CA10: variants seen among roughly 807,000 people sequenced by gnomAD.
CA10 encodes carbonic anhydrase-related protein 10.
In CA10, 14 loss-of-function variants were observed where a neutral mutation model predicts 44.2. That is an observed-to-expected ratio of 0.32 (90% CI 0.21 to 0.50). The LOEUF (loss-of-function observed/expected upper bound fraction) is 0.50. CA10 is among the 20% of genes least tolerant of loss of function. The pLI is 0.99. For synonymous variants in CA10, 159 were observed against 141.6 expected (o/e 1.12, Z -0.87); for missense variants, 350 against 409.7 (o/e 0.85, Z 1.26).
chr17:51,920,405 G>A (rs1345504387), intron 3 of CA10, among the ~76,000 whole-genome samples: 1 of 151,812 alleles, frequency 6.6e-6, no homozygotes, highest in Non-Finnish European at 1.5e-5. Context: ...GGAGAGAAAA[G>A]AAAAGGCTAA....
At chr17:51,686,093 G>C (rs1915001767) in intron 4 of CA10, among the ~76,000 whole-genome samples, 1 of 151,498 alleles carries the variant, frequency 6.6e-6, no homozygotes, top group African/African-American at 2.4e-5. Flanking sequence ...GTCGGGGGGG[G>C]CGTCTGTTTC....
intron 3 of CA10, among the ~76,000 whole-genome samples, chr17:51,758,243 A>ATAT (rs888917466): frequency 3.3e-5 from 5 of 152,246 alleles, no homozygotes; most frequent in African/African-American, 1.2e-4. Flanking sequence ...ATATTAAATC[A>ATAT]TATTATTATT....
At chr17:51,903,944 T>A (rs1275670768) in intron 3 of CA10, among the ~76,000 whole-genome samples, 2 of 152,002 alleles carry the variant, frequency 1.3e-5, no homozygotes, top group Non-Finnish European at 2.9e-5. Flanking sequence ...ATATCTTCTA[T>A]ACAAAAATGG....
intron 1 of CA10, among the ~76,000 whole-genome samples, chr17:52,075,920 A>G (rs1448910269): frequency 6.6e-6 from 1 of 152,132 alleles, no homozygotes; most frequent in Non-Finnish European, 1.5e-5. Context: ...TTACCCCATT[A>G]TATGTTCAAA....
At chr17:52,078,550 G>A (rs1267203422) in intron 1 of CA10, among the ~76,000 whole-genome samples, 1 of 152,204 alleles carries the variant, frequency 6.6e-6, no homozygotes, top group Non-Finnish European at 1.5e-5. Flanking sequence ...GTTTCCCTCA[G>A]AAATTGCATT....
At chr17:52,135,203 G>A (rs941820358) in intron 1 of CA10, among the ~76,000 whole-genome samples, 1 of 152,170 alleles carries the variant, frequency 6.6e-6, no homozygotes, top group African/African-American at 2.4e-5. Context: ...CGCTAACCAT[G>A]TTAGGCTTTC....
chr17:52,139,811 G>A (rs2069795597), intron 1 of CA10, among the ~76,000 whole-genome samples: 1 of 152,040 alleles, frequency 6.6e-6, no homozygotes, highest in Admixed American at 6.5e-5. Context: ...TCCCTCATAG[G>A]GTTAGAGATA....
intron 5 of CA10, among the ~76,000 whole-genome samples, chr17:51,652,466 T>C (rs543374491): frequency 2.6e-5 from 4 of 152,324 alleles, no homozygotes; most frequent in African/African-American, 9.6e-5. Flanking sequence ...TGGCCAAATG[T>C]CCCTTCCTCT....
At chr17:52,056,707 A>T (rs1249201891) in intron 2 of CA10, among the ~76,000 whole-genome samples, 1 of 152,014 alleles carries the variant, frequency 6.6e-6, no homozygotes, top group Non-Finnish European at 1.5e-5. Flanking sequence ...ACCTGAGGTT[A>T]AAGCATCCTG....
chr17:51,784,960 A>G (rs1197255117), intron 3 of CA10, among the ~76,000 whole-genome samples: 1 of 152,134 alleles, frequency 6.6e-6, no homozygotes, highest in East Asian at 1.9e-4. Flanking sequence ...TGATCCTTCT[A>G]TTCTCTATCT....
chr17:52,099,877 T>C (rs1197412211), intron 1 of CA10, among the ~76,000 whole-genome samples: 1 of 152,222 alleles, frequency 6.6e-6, no homozygotes, highest in Non-Finnish European at 1.5e-5. Context: ...GTGATGCTAC[T>C]GTAAGGTCAT....
chr17:52,130,902 T>C (rs1425083062), intron 1 of CA10, among the ~76,000 whole-genome samples: 1 of 152,102 alleles, frequency 6.6e-6, no homozygotes, highest in Non-Finnish European at 1.5e-5. Context: ...AAGAGATCTA[T>C]TGTACACCAT....
intron 3 of CA10, among the ~76,000 whole-genome samples, chr17:51,766,493 T>C (rs1050893246): frequency 6.6e-6 from 1 of 152,206 alleles, no homozygotes. Context: ...GTTCAAGTTC[T>C]GGCTCCTTTG....
chr17:52,010,649 G>A (rs1251537616), intron 2 of CA10, among the ~76,000 whole-genome samples: 2 of 151,818 alleles, frequency 1.3e-5, no homozygotes, highest in East Asian at 3.9e-4. Context: ...AGGGATAAAA[G>A]ACTGCACATT....
At chr17:51,685,694 T>C (rs1282619792) in intron 4 of CA10, among the ~76,000 whole-genome samples, 1 of 152,128 alleles carries the variant, frequency 6.6e-6, no homozygotes, top group Non-Finnish European at 1.5e-5. Flanking sequence ...AATGAATTGG[T>C]TTGCATTACA....
At chr17:52,009,411 C>T (rs542373159) in intron 2 of CA10, among the ~76,000 whole-genome samples, 1 of 151,876 alleles carries the variant, frequency 6.6e-6, no homozygotes, top group East Asian at 1.9e-4. Flanking sequence ...CACTTGTTTG[C>T]CTTTTAATTA....
intron 4 of CA10, among the ~76,000 whole-genome samples, chr17:51,691,896 G>C: frequency 6.6e-6 from 1 of 152,100 alleles, no homozygotes; most frequent in East Asian, 1.9e-4. Flanking sequence ...GTCACTTTCA[G>C]ATGTTGCTGA....
chr17:51,920,379 G>C (rs1052715800), intron 3 of CA10, among the ~76,000 whole-genome samples: 1 of 151,920 alleles, frequency 6.6e-6, no homozygotes, highest in Non-Finnish European at 1.5e-5. Flanking sequence ...GAGGGAGGAG[G>C]TTGGAGATAA....
intron 2 of CA10, among the ~76,000 whole-genome samples, chr17:51,968,031 T>C (rs1319085597): frequency 6.6e-6 from 1 of 151,694 alleles, no homozygotes; most frequent in Non-Finnish European, 1.5e-5. Flanking sequence ...TTGTCTCCAG[T>C]TGAGAACAGA....
Sources: gnomAD v4.1 joint callset for allele counts (sites outside exome capture counted in the v4.1 genomes callset) on GRCh38, gnomAD v4.1.1 for gene constraint, MANE v1.5 for transcripts, NCBI Gene and HGNC (gene_info 2026-07-23, HGNC 2026-07-21) for gene names.